The following ZFHX3 variants were observed in gnomAD, a reference collection of about 807,000 sequenced individuals.
The protein encoded by ZFHX3 is zinc finger homeobox 3.
A neutral mutation model predicts 279.1 loss-of-function variants in ZFHX3; 42 were observed. The observed-to-expected ratio is 0.15, with a 90% CI of 0.12 to 0.19. The LOEUF (loss-of-function observed/expected upper bound fraction) is 0.19, where lower values mean the gene tolerates loss of function less well. ZFHX3 is among the 10% of genes least tolerant of loss of function. The pLI, the probability that ZFHX3 is intolerant of heterozygous loss-of-function variation, is 1.00. For synonymous variants in ZFHX3, 2,293 were observed against 1,957.8 expected (o/e 1.17, Z -4.52); for missense variants, 4,981 against 4,754.0 (o/e 1.05, Z -1.40).
In ZFHX3 at chr16:72,795,653, G is replaced by A; in HGVS notation, c.7029C>T (p.Leu2343=). Residue 2343 remains leucine (L), a synonymous_variant, in exon 9 of 10, where the codon CTC becomes CTT. Coordinates refer to ENST00000268489, the MANE Select transcript of ZFHX3 (RefSeq NM_006885.4). Reference sequence around the variant, plus strand: ...AACACAGCTTCTTCTGGTGCTTGATGAGATCAAAGATGCGCTGAAACACCA... The same window carrying A: ...AACACAGCTTCTTCTGGTGCTTGATAAGATCAAAGATGCGCTGAAACACCA... ...CSLVFQRIFD[L]IKHQKKLCYK... is the part of the protein sequence containing the mutation. 2 of 1,613,986 alleles carry A rather than the reference G, an allele frequency of 1.2e-6. No homozygotes were observed. Among genetic ancestry groups the A allele is most frequent in the East Asian group, 2.2e-5 (1 of 44,866 alleles).
intron 1 of ZFHX3, among the ~76,000 whole-genome samples, chr16:73,037,660 G>A (rs534896420): frequency 2.0e-5 from 3 of 152,208 alleles, no homozygotes; most frequent in African/African-American, 7.2e-5. Context: ...ACTCTAGAAT[G>A]CAACACCCTG....
chr16:73,672,260 C>G (rs1435306509), intron 2 of ZFHX3, among the ~76,000 whole-genome samples: 1 of 152,122 alleles, frequency 6.6e-6, no homozygotes, highest in Non-Finnish European at 1.5e-5. Context: ...GAGAAAGGAA[C>G]AAGATCGTTC....
At chr16:72,850,520 A>G (rs1287654696) in intron 4 of ZFHX3, among the ~76,000 whole-genome samples, 2 of 152,226 alleles carry the variant, frequency 1.3e-5, no homozygotes, top group Non-Finnish European at 2.9e-5. Flanking sequence ...AGAAGTTTTT[A>G]GGGACATTGA....
chr16:73,508,120 C>A (rs574927086), intron 2 of ZFHX3, among the ~76,000 whole-genome samples: 1 of 152,230 alleles, frequency 6.6e-6, no homozygotes, highest in Non-Finnish European at 1.5e-5. Flanking sequence ...AATATCAAAT[C>A]GAGGCTCACA....
intron 2 of ZFHX3, among the ~76,000 whole-genome samples, chr16:73,565,879 C>T (rs1048328712): frequency 1.3e-5 from 2 of 152,298 alleles, no homozygotes; most frequent in Admixed American, 1.3e-4. Flanking sequence ...GTCTTGGTGA[C>T]TCTCTCTGTG....
intron 5 of ZFHX3, among the ~76,000 whole-genome samples, chr16:73,182,191 T>A (rs146054542): frequency 7.0e-4 from 107 of 152,326 alleles, no homozygotes; most frequent in African/African-American, 2.4e-3. Flanking sequence ...GTGAGGTGGC[T>A]CACGCCTGTA....
At chr16:72,863,527 C>T (rs80030157) in intron 4 of ZFHX3, among the ~76,000 whole-genome samples, 3 of 145,202 alleles carry the variant, frequency 2.1e-5, no homozygotes, top group Admixed American at 2.0e-4. Flanking sequence ...GAGACAGAGA[C>T]AGAGACAGAC....
chr16:73,110,551 T>G (rs1161448621), intron 7 of ZFHX3, among the ~76,000 whole-genome samples: 1 of 152,156 alleles, frequency 6.6e-6, no homozygotes, highest in Non-Finnish European at 1.5e-5. Context: ...TTACACAGGA[T>G]CACTAATTCT....
chr16:73,604,742 GAAAA>G (rs35492989), intron 2 of ZFHX3, among the ~76,000 whole-genome samples: 2,585 of 138,598 alleles, frequency 0.019, 44 homozygotes, highest in Non-Finnish European at 0.027. Context: ...GAGACTCCGT[GAAAA>G]AAAAAAAAAA....
At chr16:73,546,989 C>T (rs2020126643) in intron 2 of ZFHX3, among the ~76,000 whole-genome samples, 2 of 152,090 alleles carry the variant, frequency 1.3e-5, no homozygotes, top group African/African-American at 4.8e-5. Context: ...AGAATATAAC[C>T]ACATTTTGTA....
chr16:73,539,384 C>A (rs1036978720), intron 2 of ZFHX3, among the ~76,000 whole-genome samples: 2 of 145,542 alleles, frequency 1.4e-5, no homozygotes, highest in Non-Finnish European at 3.0e-5. Flanking sequence ...TTCCTTGTTG[C>A]TATGGCTGCT....
chr16:73,078,284 G>A (rs118019218), intron 8 of ZFHX3, among the ~76,000 whole-genome samples: 1 of 152,090 alleles, frequency 6.6e-6, no homozygotes, highest in Non-Finnish European at 1.5e-5. Flanking sequence ...TTCAGAATAC[G>A]CCTGGCACAG....
chr16:73,042,176 G>C (rs1965142771), intron 1 of ZFHX3, among the ~76,000 whole-genome samples: 1 of 152,230 alleles, frequency 6.6e-6, no homozygotes, highest in Non-Finnish European at 1.5e-5. Context: ...ATTTGAACAG[G>C]CACTTATATG....
At chr16:73,181,191 CCCTGCTTCAAGCGATTCT>C (rs1481662656) in intron 5 of ZFHX3, among the ~76,000 whole-genome samples, 4 of 151,950 alleles carry the variant, frequency 2.6e-5, no homozygotes, top group Non-Finnish European at 4.4e-5. Flanking sequence ...ACCACCGACT[CCCTGCTTCAAGCGATTCT>C]CCTGCCTCAG....
intron 4 of ZFHX3, among the ~76,000 whole-genome samples, chr16:72,864,140 T>C (rs1438400591): frequency 6.6e-6 from 1 of 152,096 alleles, no homozygotes; most frequent in African/African-American, 2.4e-5. Flanking sequence ...TTTCCTTCCC[T>C]GACTATCCCT....
chr16:73,588,942 T>C lies in ZFHX3; in HGVS notation c.-1547+91238A>G, dbSNP rs543765476. Among the ~76,000 whole-genome samples, 47 of 150,650 alleles carry C rather than the reference T, an allele frequency of 3.1e-4. No individual in the cohort carries two copies. In the South Asian group the frequency reaches 9.6e-3, roughly 31 times the overall value. ...ATATAGAACACAAGAGAGCCCAGAG[T>C]CTGGTTCAAATAAAATTGATTTTAA... On this transcript the variant is annotated intron_variant, in intron 2 of 17. Coordinates refer to the ZFHX3 transcript ENST00000641206.
chr16:72,953,809 A>C (rs1013091168), intron 2 of ZFHX3, among the ~76,000 whole-genome samples: 4 of 152,196 alleles, frequency 2.6e-5, no homozygotes, highest in Non-Finnish European at 5.9e-5. Flanking sequence ...CCCAGGTTCA[A>C]GTGATCCTTG....
intron 3 of ZFHX3, among the ~76,000 whole-genome samples, chr16:73,444,852 G>A (rs2018153710): frequency 6.6e-6 from 1 of 151,868 alleles, no homozygotes; most frequent in African/African-American, 2.4e-5. Context: ...GGGTGCGGTG[G>A]CTCACGCCTG....
chr16:73,409,982 T>A (rs1210901161), intron 3 of ZFHX3, among the ~76,000 whole-genome samples: 1 of 73,068 alleles, frequency 1.4e-5, no homozygotes, highest in South Asian at 4.8e-4. Flanking sequence ...GGGTAGTGGG[T>A]GGGGCAGGGG....
Sources: gnomAD v4.1 joint callset for allele counts (sites outside exome capture counted in the v4.1 genomes callset) on GRCh38, gnomAD v4.1.1 for gene constraint, MANE v1.5 for transcripts, NCBI Gene and HGNC (gene_info 2026-07-23, HGNC 2026-07-21) for gene names.